DLEC1: variants seen among roughly 807,000 people sequenced by gnomAD.
The protein encoded by DLEC1 is DLEC1 cilia and flagella associated protein, also known as deleted in lung and esophageal cancer protein 1.
Under a neutral mutation model 198.1 loss-of-function variants are expected in DLEC1, and 146 were observed. That is an observed-to-expected ratio of 0.74 (90% CI 0.64 to 0.85). The LOEUF is 0.85. Among genes scored for constraint, DLEC1 ranks in the 40% least tolerant of loss-of-function variants. The pLI is 0.00. For missense variants in DLEC1, 2,233 were observed against 2,220.0 expected (o/e 1.01, Z -0.12); for synonymous variants, 897 against 866.8 (o/e 1.03, Z -0.61).
intron 10 of DLEC1, among the ~76,000 whole-genome samples, chr3:38,089,938 G>A (rs1204853431): frequency 6.6e-6 from 1 of 152,180 alleles, no homozygotes; most frequent in Non-Finnish European, 1.5e-5. Context: ...TAGCACTTTG[G>A]GAGGCTAAAG....
rs1699051104 is a variant in DLEC1, at chr3:38,096,901, G to A, written c.2340+164G>A. ...CAACTTGACTTGCACAGATGCATAG[G>A]CCAGGCATGGCTGTCTTCTTTTATC... On this transcript the variant is annotated intron_variant, in intron 15 of 36. Transcript: ENST00000308059. Among the ~76,000 whole-genome samples, 4 of 152,310 alleles carry A rather than the reference G, an allele frequency of 2.6e-5. No homozygotes were observed. In the South Asian group the frequency reaches 8.3e-4, roughly 32 times the overall value.
At chr3:38,109,589 G>T in intron 22 of DLEC1, 27 bp downstream of exon 22, 1 of 1,613,762 alleles carries the variant, frequency 6.2e-7, no homozygotes, top group Non-Finnish European at 8.5e-7. Flanking sequence ...TGGTCTGGGG[G>T]TGGCAGTGGA....
intron 14 of DLEC1, 112 bp downstream of exon 14, chr3:38,096,058 A>C: frequency 3.0e-6 from 4 of 1,329,208 alleles, no homozygotes; most frequent in Non-Finnish European, 4.2e-6. Flanking sequence ...TGGTCCCCGC[A>C]GGCTTTGGGG....
rs781111908 is a variant in DLEC1 at position 38,111,712 on chromosome 3, G to A, written c.3479G>A (p.Arg1160Gln). The change falls in exon 24 of 37, where the codon CGG (arginine) becomes CAG (glutamine). Residue 1160 changes from arginine to glutamine, a missense_variant. Transcript: ENST00000308059. ...NMPPALLKTV[R>Q]MQEHLAKREQ... The stretch of plus-strand genomic sequence containing the variant: ...CCTCCTGCCCTGCTAAAGACAGTGC[G>A]GATGCAAGAGCACCTGGCCAAGCGA... 72 of 1,613,142 alleles carry A rather than the reference G, an allele frequency of 4.5e-5. No homozygotes were observed. The highest frequency in any genetic ancestry group is 2.5e-4 in the Admixed American group (15 of 59,952).
chr3:38,059,698 A>G (rs1696572836), intron 2 of DLEC1, 44 bp from the exon 3 acceptor site: 2 of 1,548,284 alleles, frequency 1.3e-6, no homozygotes, highest in African/African-American at 1.4e-5. Flanking sequence ...CTTCAAAGTC[A>G]GTCTGGCTGG....
rs775264572 is a variant in DLEC1 at position 38,093,750 on chromosome 3, G to A, written c.1902G>A (p.Leu634=). The part of the protein sequence containing the change: ...ENLRSTARKQ[L]IIRNATHVEL... ...TTCGGTCCACGGCTAGGAAGCAGCT[G>A]ATTATTAGAAATGCTACGTGGGTAA... The change falls in exon 12 of 37, where the codon CTG becomes CTA. Residue 634 remains leucine (L), a synonymous_variant. Coordinates refer to ENST00000308059, the MANE Select transcript of DLEC1 (RefSeq NM_007335.4). The A allele has an allele frequency of 1.9e-6, 3 of 1,614,182 alleles. No homozygotes were observed. The Admixed American group carries it at 5.0e-5, about 27-fold the overall frequency.
At chr3:38,078,957 A>G (rs62240705) in intron 6 of DLEC1, among the ~76,000 whole-genome samples, 53,843 of 152,060 alleles carry the variant, frequency 0.35, 9,993 homozygotes, top group East Asian at 0.56. Context: ...TTAAAAGGCC[A>G]TGCTGTAGCA....
At chr3:38,072,566 G>C (rs997741537) in intron 6 of DLEC1, among the ~76,000 whole-genome samples, 4 of 152,176 alleles carry the variant, frequency 2.6e-5, no homozygotes, top group Non-Finnish European at 4.4e-5. Context: ...CTGTCTTCAA[G>C]GAACAGAAAG....
chr3:38,064,824 G>A (rs1255347617), intron 6 of DLEC1, among the ~76,000 whole-genome samples: 4 of 151,340 alleles, frequency 2.6e-5, no homozygotes, highest in African/African-American at 4.9e-5. Context: ...ATGGGATGAC[G>A]GCCAGGAAGA....
chr3:38,097,593 G>A lies in DLEC1; in HGVS notation c.2521G>A (p.Asp841Asn). The change falls in exon 17 of 37, where the codon GAC becomes AAC. Residue 841 changes from aspartate to asparagine, a missense_variant. By Grantham distance (23) the Asp-to-Asn change is conservative (BLOSUM62 1). Coordinates refer to ENST00000308059, the MANE Select transcript of DLEC1 (RefSeq NM_007335.4). ...TSQDLLCEIE[D>N]SPSPVVLHIE... ...CCAGGACCTGCTGTGTGAAATCGAAGACTCGCCCTCGCCAGTGGTGTTACA... is the reference window on the plus strand; with the variant it reads ...CCAGGACCTGCTGTGTGAAATCGAAAACTCGCCCTCGCCAGTGGTGTTACA... 5 of 1,614,202 alleles carry A rather than the reference G, an allele frequency of 3.1e-6. No individual in the cohort carries two copies. The highest frequency in any genetic ancestry group is 4.2e-6 in the Non-Finnish European group (5 of 1,180,032).
chr3:38,101,918 C>A (rs1310205106), intron 19 of DLEC1, among the ~76,000 whole-genome samples: 2 of 152,128 alleles, frequency 1.3e-5, no homozygotes, highest in African/African-American at 4.8e-5. Context: ...TGTTCTTTCT[C>A]CTGAAAGGAC....
chr3:38,096,744 C>T lies in DLEC1; in HGVS notation c.2340+7C>T, dbSNP rs1699042889. 4 of 1,600,468 alleles carry T rather than the reference C, an allele frequency of 2.5e-6. No individual in the cohort carries two copies. The highest frequency in any genetic ancestry group is 3.4e-6 in the Non-Finnish European group (4 of 1,173,000). ...TGTGAAGAAGGCTTTTAAGGTAGGT[C>T]ATTGTCTCTCCCCTGCCTAGGCTGG... On this transcript the variant is annotated splice_region_variant and intron_variant, in intron 15 of 36. Transcript: ENST00000308059.
rs113501174 is a variant in DLEC1, at chr3:38,111,605, T to C, written c.3444-72T>C. On this transcript the variant is annotated intron_variant, in intron 23 of 36. Coordinates refer to ENST00000308059, the MANE Select transcript of DLEC1 (RefSeq NM_007335.4). The stretch of plus-strand genomic sequence containing the variant: ...GGGCACCTGGTAGAATGCTGGTTGC[T>C]CTAGAACCTGGCTCAGGTCTTGGGA... The C allele has an allele frequency of 9.8e-3, 14,967 of 1,532,566 alleles. 109 individuals are homozygous for C. The highest frequency in any genetic ancestry group is 0.012 in the Non-Finnish European group (13,454 of 1,126,506). 94.9% of individuals were successfully genotyped at this position (1,532,566 alleles called of 1,614,324 possible).
intron 10 of DLEC1, among the ~76,000 whole-genome samples, chr3:38,088,850 G>A (rs1698600008): frequency 6.6e-6 from 1 of 152,128 alleles, no homozygotes; most frequent in African/African-American, 2.4e-5. Context: ...CTGAACCTCT[G>A]CAGAAGCTCT....
chr3:38,120,932 A>C (rs1301336570), intron 34 of DLEC1, among the ~76,000 whole-genome samples: 1 of 152,204 alleles, frequency 6.6e-6, no homozygotes, highest in Admixed American at 6.5e-5. Flanking sequence ...GCCAAAAGAA[A>C]GGCCTGATGG....
At chr3:38,050,047 G>C (rs895186643) in intron 2 of DLEC1, among the ~76,000 whole-genome samples, 1 of 151,990 alleles carries the variant, frequency 6.6e-6, no homozygotes, top group Non-Finnish European at 1.5e-5. Flanking sequence ...GAGTGGCTGT[G>C]AGTTTGAAAA....
At chr3:38,119,761 TG>T (rs1700359137) in intron 33 of DLEC1, among the ~76,000 whole-genome samples, 1 of 152,092 alleles carries the variant, frequency 6.6e-6, no homozygotes, top group South Asian at 2.1e-4. Flanking sequence ...CTTGAACTCC[TG>T]GGCTCAAGCG....
intron 2 of DLEC1, among the ~76,000 whole-genome samples, chr3:38,058,621 A>G (rs1168866295): frequency 6.6e-6 from 1 of 152,238 alleles, no homozygotes; most frequent in Non-Finnish European, 1.5e-5. Context: ...AGTTTAGAAG[A>G]ACTTCTAATG....
chr3:38,097,964 G>A (rs1223991948), intron 18 of DLEC1, 62 bp downstream of exon 18: 2 of 1,601,882 alleles, frequency 1.2e-6, no homozygotes, highest in Admixed American at 1.7e-5. Context: ...GCTTGCCCTG[G>A]TGAAACTTGC....
Sources: gnomAD v4.1 joint callset for allele counts (sites outside exome capture counted in the v4.1 genomes callset) on GRCh38, gnomAD v4.1.1 for gene constraint, MANE v1.5 for transcripts, NCBI Gene and HGNC (gene_info 2026-07-23, HGNC 2026-07-21) for gene names.